TIMP2: variants seen among roughly 807,000 people sequenced by gnomAD.
TIMP2 encodes metalloproteinase inhibitor 2.
A neutral mutation model predicts 24.3 loss-of-function variants in TIMP2; 5 were observed. The observed-to-expected ratio is 0.21, with a 90% CI of 0.11 to 0.43. The LOEUF is 0.43. Ranked by LOEUF, TIMP2 falls within the 20% of genes least tolerant of loss-of-function variation. The pLI, the probability that TIMP2 is intolerant of heterozygous loss-of-function variation, is 1.00. For synonymous variants in TIMP2, 130 were observed against 123.2 expected, an observed-to-expected ratio of 1.06 and a Z score of -0.37; for missense variants, 221 against 297.5, an observed-to-expected ratio of 0.74 and a Z score of 1.89.
At position 78,855,982 on chromosome 17, in the gene TIMP2, G is replaced by C; in HGVS notation, c.466-118C>G. 3 of 1,063,124 alleles carry C rather than the reference G, an allele frequency of 2.8e-6. No homozygotes were observed. The highest frequency in any genetic ancestry group is 1.4e-6 in the Non-Finnish European group (1 of 714,376). The allele number at this position is 1,063,124 out of a possible 1,614,324, so 65.9% of individuals were successfully genotyped here. ...TGCCTACCTGTCATGTGCAGGGATG[G>C]CAGCCTCTCCCGAGACCCACGGTTC... is the stretch of plus-strand genomic sequence containing the variant. On this transcript the variant is annotated intron_variant, in intron 4 of 4. Coordinates refer to ENST00000262768, the MANE Select transcript of TIMP2 (RefSeq NM_003255.5). This position sits in a 1 kb window ranked among gnomAD's most constrained non-coding sequence, Gnocchi z 6.0.
intron 4 of TIMP2, chr17:78,856,101 T>G: frequency 1.8e-6 from 1 of 564,242 alleles, no homozygotes; most frequent in Non-Finnish European, 3.2e-6. Flanking sequence ...GCAGGTGTGC[T>G]TCCCTTTGGG....
chr17:78,895,613 C>T (rs571114654), intron 1 of TIMP2, among the ~76,000 whole-genome samples: 25 of 152,266 alleles, frequency 1.6e-4, no homozygotes, highest in Middle Eastern at 3.4e-3. Flanking sequence ...CCCTATGACC[C>T]AGAGATTCCA....
intron 1 of TIMP2, among the ~76,000 whole-genome samples, chr17:78,921,428 G>A (rs1459281796): frequency 6.6e-6 from 1 of 152,240 alleles, no homozygotes; most frequent in Admixed American, 6.5e-5. Flanking sequence ...AGCCAGAGGA[G>A]AGGTTTTATT....
At chr17:78,860,865 G>A (rs1287139591) in intron 3 of TIMP2, among the ~76,000 whole-genome samples, 2 of 151,956 alleles carry the variant, frequency 1.3e-5, no homozygotes, top group East Asian at 1.9e-4. Flanking sequence ...GTGAAACCCC[G>A]TCTCTACTAA....
intron 1 of TIMP2, among the ~76,000 whole-genome samples, chr17:78,888,116 G>A (rs898697548): frequency 2.0e-5 from 3 of 151,574 alleles, no homozygotes; most frequent in Admixed American, 2.0e-4. Context: ...GATAGGGAGG[G>A]CTAAACCCCA....
intron 3 of TIMP2, among the ~76,000 whole-genome samples, chr17:78,861,587 G>A (rs1328989782): frequency 1.3e-5 from 2 of 151,806 alleles, no homozygotes; most frequent in Non-Finnish European, 2.9e-5. Context: ...AAGAGATGAA[G>A]TGAAAATTGT....
In TIMP2 at chr17:78,855,397, G is replaced by C; in HGVS notation, c.*270C>G. The C allele has an allele frequency of 2.0e-6, 1 of 500,062 alleles. No individual in the cohort carries two copies. The highest frequency in any genetic ancestry group is 2.3e-5 in the South Asian group (1 of 42,898). The allele number at this position is 500,062 out of a possible 1,614,324, so 31.0% of individuals were successfully genotyped here. On this transcript the variant is annotated 3_prime_UTR_variant, in exon 5 of 5. Transcript: ENST00000262768. The surrounding 1 kb of genome is among the most constrained non-coding windows in gnomAD (Gnocchi z 6.0). Reference sequence around the variant, plus strand: ...AGGCAGGGACTGGGAGGGAAGCCGCGTGTCCCAGCCCTGCCTGCACCCAAG... The same window carrying C: ...AGGCAGGGACTGGGAGGGAAGCCGCCTGTCCCAGCCCTGCCTGCACCCAAG...
At position 78,891,245 on chromosome 17, in the gene TIMP2, TTGGACGC is replaced by T. The variant is rs1241049822; in HGVS notation, c.131-17333_131-17327del. ...GCCCATGAACGTTTTCAAGTCGGTC[TTGGACGC>T]TGCCTGCTGCGCCTCCTCCTCTGCT... On this transcript the variant is annotated intron_variant, in intron 1 of 4. Transcript: ENST00000262768. This position sits in a 1 kb window ranked among gnomAD's most constrained non-coding sequence, Gnocchi z 4.5. 1 of 1,550,702 alleles carries T rather than the reference TTGGACGC, an allele frequency of 6.4e-7. No individual in the cohort carries two copies. Among genetic ancestry groups the T allele is most frequent in the Admixed American group, 2.0e-5 (1 of 51,006 alleles).
chr17:78,913,482 G>A (rs1341948438), intron 1 of TIMP2, among the ~76,000 whole-genome samples: 1 of 152,168 alleles, frequency 6.6e-6, no homozygotes, highest in Non-Finnish European at 1.5e-5. Context: ...AGGCCGAGGT[G>A]GGAAGACGGC....
chr17:78,893,574 T>C (rs1037355509), intron 1 of TIMP2, among the ~76,000 whole-genome samples: 1 of 151,576 alleles, frequency 6.6e-6, no homozygotes, highest in Admixed American at 6.6e-5. Flanking sequence ...TACAGGGGGG[T>C]GTACAGGTGT....
At chr17:78,886,394 C>T (rs1300154492) in intron 1 of TIMP2, among the ~76,000 whole-genome samples, 1 of 152,158 alleles carries the variant, frequency 6.6e-6, no homozygotes, top group African/African-American at 2.4e-5. Flanking sequence ...GTTTGGGCCC[C>T]ATTGTGGCCA....
intron 1 of TIMP2, among the ~76,000 whole-genome samples, chr17:78,881,956 G>A (rs185106136): frequency 2.5e-5 from 3 of 118,196 alleles, no homozygotes; most frequent in African/African-American, 9.9e-5. Context: ...CAACCTGGCA[G>A]GGGCTCCATA....
intron 1 of TIMP2, among the ~76,000 whole-genome samples, chr17:78,893,305 G>T (rs1438296848): frequency 6.8e-6 from 1 of 146,082 alleles, no homozygotes; most frequent in Non-Finnish European, 1.5e-5. Flanking sequence ...GTGTGCAGGG[G>T]TGTATGTGCA....
intron 1 of TIMP2, among the ~76,000 whole-genome samples, chr17:78,912,470 C>T (rs183152274): frequency 1.6e-4 from 24 of 152,336 alleles, no homozygotes; most frequent in East Asian, 1.5e-3. Context: ...AAGGGGGTCT[C>T]GGTACCCACA....
At chr17:78,876,709 TAG>T (rs1271496259) in intron 1 of TIMP2, among the ~76,000 whole-genome samples, 1 of 151,508 alleles carries the variant, frequency 6.6e-6, no homozygotes, top group Non-Finnish European at 1.5e-5. Flanking sequence ...GTATTTTTAG[TAG>T]AGACAGGGTT....
chr17:78,875,652 C>T (rs1488632286), intron 1 of TIMP2, among the ~76,000 whole-genome samples: 3 of 152,216 alleles, frequency 2.0e-5, no homozygotes, highest in South Asian at 2.1e-4. Flanking sequence ...TGTTATGTTA[C>T]GGTGGATATG....
At position 78,925,052 on chromosome 17, in the gene TIMP2, CG is replaced by C; in HGVS notation, c.36del (p.Gly13AlafsTer31). 8.6e-7 allele frequency: 1 copy of C among 1,161,138 alleles called. No individual in the cohort carries two copies. Among genetic ancestry groups the C allele is most frequent in the Non-Finnish European group, 1.1e-6 (1 of 942,740 alleles). 71.9% of individuals were successfully genotyped at this position (1,161,138 alleles called of 1,614,324 possible). Reference sequence around the variant, plus strand: ...AGCAGCGTCGCCAGCAGCAGGAGGCCGAGCGCCAGCCGCAGGGTGCGGGCCG... The same window carrying C: ...AGCAGCGTCGCCAGCAGCAGGAGGCCAGCGCCAGCCGCAGGGTGCGGGCCG... ...GAAARTLRLA[L>X]GLLLLATLLR... is the part of the protein sequence containing the mutation. On this transcript the variant is annotated frameshift_variant, in exon 1 of 5. Transcript: ENST00000262768. LOFTEE classifies it high-confidence loss of function.
rs1018601620 is a variant in TIMP2, at chr17:78,854,441, G to C, written c.*1226C>G. The C allele has an allele frequency of 6.6e-6, 1 of 151,744 alleles. No homozygotes were observed. Among genetic ancestry groups the C allele is most frequent in the African/African-American group, 2.4e-5 (1 of 41,294 alleles). 9.4% of individuals were successfully genotyped at this position (151,744 alleles called of 1,614,324 possible). ...AGAAGTTGGTATATCTGCAACTCAG[G>C]TTCACCTATCATCTGAGAATTCACC... On this transcript the variant is annotated 3_prime_UTR_variant, in exon 5 of 5. Coordinates refer to ENST00000262768, the MANE Select transcript of TIMP2 (RefSeq NM_003255.5).
At chr17:78,893,648 C>T (rs1345445492) in intron 1 of TIMP2, among the ~76,000 whole-genome samples, 1 of 151,650 alleles carries the variant, frequency 6.6e-6, no homozygotes, top group Non-Finnish European at 1.5e-5. Context: ...TGTATGTGTC[C>T]GTGTGGGGCA....
Sources: gnomAD v4.1 joint callset for allele counts (sites outside exome capture counted in the v4.1 genomes callset) on GRCh38, gnomAD v4.1.1 for gene constraint, Gnocchi (gnomAD v3.1) non-coding constraint, MANE v1.5 for transcripts, NCBI Gene and HGNC (gene_info 2026-07-23, HGNC 2026-07-21) for gene names.